Variants in SOX6 observed in about 807,000 individuals in gnomAD.
SOX6 encodes SRY-box transcription factor 6, also known as transcription factor SOX-6.
A neutral mutation model predicts 97.8 loss-of-function variants in SOX6; 11 were observed. The ratio of observed to expected loss-of-function variants is 0.11; its 90% CI spans 0.07 to 0.19. SOX6 has a LOEUF of 0.19. Ranked by LOEUF, SOX6 falls within the 10% of genes least tolerant of loss-of-function variation. The probability of loss-of-function intolerance (pLI) is 1.00; values close to 1 mark genes in which losing one functional copy is unlikely to be tolerated. For missense variants in SOX6, 810 were observed against 1,039.5 expected (o/e 0.78, Z 3.04); for synonymous variants, 360 against 371.4 (o/e 0.97, Z 0.35).
intron 3 of SOX6, among the ~76,000 whole-genome samples, chr11:16,307,699 A>G (rs1262740513): frequency 6.6e-6 from 1 of 152,200 alleles, no homozygotes; most frequent in Non-Finnish European, 1.5e-5. Context: ...GGTTACTGTC[A>G]TTCAAAAAGT....
chr11:16,014,778 C>T (rs1442475772), intron 13 of SOX6, among the ~76,000 whole-genome samples, 164 bp downstream of exon 13: 1 of 152,048 alleles, frequency 6.6e-6, no homozygotes, highest in East Asian at 1.9e-4. Context: ...TAATGCACAA[C>T]ATAACTTACA....
intron 4 of SOX6, among the ~76,000 whole-genome samples, chr11:16,215,694 T>C (rs1852353470): frequency 6.6e-6 from 1 of 152,028 alleles, no homozygotes. Flanking sequence ...TCCTCAAACC[T>C]GAAAAATTTA....
At chr11:16,344,984 CT>C (rs913406503) in intron 1 of SOX6, among the ~76,000 whole-genome samples, 3 of 151,928 alleles carry the variant, frequency 2.0e-5, no homozygotes, top group African/African-American at 7.2e-5. Context: ...TTTTTCTTTA[CT>C]GTGCTCCCAG....
intron 4 of SOX6, among the ~76,000 whole-genome samples, chr11:16,220,612 T>C (rs749596678): frequency 5.1e-5 from 7 of 137,700 alleles, no homozygotes; most frequent in African/African-American, 1.9e-4. Flanking sequence ...CAAGAGGTAA[T>C]GACAGTTCCA....
chr11:16,191,511 A>C (rs1279991377), intron 4 of SOX6, among the ~76,000 whole-genome samples: 1 of 152,180 alleles, frequency 6.6e-6, no homozygotes, highest in Non-Finnish European at 1.5e-5. Flanking sequence ...GTTTGAAAAA[A>C]TCAACTTGGA....
intron 13 of SOX6, among the ~76,000 whole-genome samples, chr11:15,989,662 C>G (rs1223156355): frequency 6.6e-6 from 1 of 152,174 alleles, no homozygotes; most frequent in African/African-American, 2.4e-5. Flanking sequence ...GTGCTCTTCT[C>G]ACTGCCTAGA....
intron 10 of SOX6, 72 bp downstream of exon 10, chr11:16,055,680 T>C: frequency 1.3e-6 from 2 of 1,594,644 alleles, no homozygotes; most frequent in South Asian, 1.1e-5. Flanking sequence ...ATGCCCAACA[T>C]AGCCTGCTTC....
At chr11:16,273,363 G>C (rs1590082325) in intron 3 of SOX6, among the ~76,000 whole-genome samples, 1 of 151,966 alleles carries the variant, frequency 6.6e-6, no homozygotes, top group South Asian at 2.1e-4. Context: ...AAATAATATA[G>C]GGAAAGTGAA....
intron 1 of SOX6, among the ~76,000 whole-genome samples, chr11:16,397,307 G>T (rs1858390635): frequency 6.6e-6 from 1 of 151,402 alleles, no homozygotes. Context: ...AGCATGTATA[G>T]GGATCTCATT....
chr11:16,173,465 A>C (rs1851095414), intron 6 of SOX6, among the ~76,000 whole-genome samples: 1 of 151,886 alleles, frequency 6.6e-6, no homozygotes, highest in Non-Finnish European at 1.5e-5. Flanking sequence ...AGAGACCCAA[A>C]TTTGTAATAC....
intron 2 of SOX6, among the ~76,000 whole-genome samples, chr11:16,728,135 G>T (rs1848321367): frequency 6.6e-6 from 1 of 152,158 alleles, no homozygotes; most frequent in Non-Finnish European, 1.5e-5. Context: ...CAGAACACCT[G>T]GGGGAAGGGG....
intron 1 of SOX6, among the ~76,000 whole-genome samples, chr11:16,429,767 G>A (rs758370810): frequency 5.3e-5 from 8 of 151,996 alleles, no homozygotes; most frequent in Admixed American, 2.0e-4. Context: ...TCTGTACAAT[G>A]AACCCCTATG....
At chr11:16,305,866 A>C (rs961882023) in intron 3 of SOX6, among the ~76,000 whole-genome samples, 3 of 152,110 alleles carry the variant, frequency 2.0e-5, no homozygotes, top group African/African-American at 7.2e-5. Context: ...CATTTATATA[A>C]CATCTTTAAG....
chr11:16,170,874 T>G (rs1178043620), intron 6 of SOX6, among the ~76,000 whole-genome samples: 1 of 152,008 alleles, frequency 6.6e-6, no homozygotes, highest in Non-Finnish European at 1.5e-5. Context: ...TGTCCCCTGC[T>G]TCATTTCCCA....
At chr11:15,992,820 A>G (rs1854096027) in intron 13 of SOX6, among the ~76,000 whole-genome samples, 1 of 152,242 alleles carries the variant, frequency 6.6e-6, no homozygotes, top group Admixed American at 6.5e-5. Context: ...CCATATGAGT[A>G]CTATGCAGAA....
intron 4 of SOX6, among the ~76,000 whole-genome samples, chr11:16,222,089 A>G (rs373438220): frequency 1.3e-5 from 2 of 152,246 alleles, no homozygotes; most frequent in South Asian, 2.1e-4. Context: ...ATACACTTCA[A>G]TCAAAAATTT....
Position 16,163,217 on chromosome 11 carries a change from T to C in SOX6, c.777+20669A>G, listed in dbSNP as rs184408353. ...TTTAATGAAATTTCTGTTTCTGTTA[T>C]ACACACATGTGTATGTATGTGCTAT... On this transcript the variant is annotated intron_variant, in intron 6 of 15. Transcript: ENST00000683767. Among the ~76,000 whole-genome samples the C allele has an allele frequency of 1.4e-4, 21 of 152,362 alleles. 1 individual carries two copies. In the Middle Eastern group the frequency reaches 0.024, roughly 173 times the overall value.
chr11:16,230,777 C>T (rs942797762), intron 4 of SOX6, among the ~76,000 whole-genome samples: 2 of 151,530 alleles, frequency 1.3e-5, no homozygotes, highest in East Asian at 1.9e-4. Context: ...TGTAGTCTTG[C>T]AATACTTACT....
intron 3 of SOX6, among the ~76,000 whole-genome samples, chr11:16,696,439 A>C (rs1294508204): frequency 2.6e-5 from 4 of 152,158 alleles, no homozygotes; most frequent in Non-Finnish European, 4.4e-5. Context: ...TCAAACACTC[A>C]CTGAACATCA....
Sources: gnomAD v4.1 joint callset for allele counts (sites outside exome capture counted in the v4.1 genomes callset) on GRCh38, gnomAD v4.1.1 for gene constraint, MANE v1.5 for transcripts, NCBI Gene and HGNC (gene_info 2026-07-23, HGNC 2026-07-21) for gene names.